Variants in SOX5 observed in about 807,000 individuals in gnomAD.
SOX5 encodes the protein transcription factor SOX-5.
Under a neutral mutation model 92.0 loss-of-function variants are expected in SOX5, and 9 were observed. The observed-to-expected ratio is 0.10, with a 90% CI of 0.06 to 0.17. The LOEUF (loss-of-function observed/expected upper bound fraction) is 0.17, where lower values mean the gene tolerates loss of function less well. Ranked by LOEUF, SOX5 falls within the 10% of genes least tolerant of loss-of-function variation. SOX5 has a pLI of 1.00. For synonymous variants in SOX5, 344 were observed against 336.3 expected (o/e 1.02, Z -0.25); for missense variants, 642 against 944.5 (o/e 0.68, Z 4.20).
At chr12:24,518,521 T>C (rs1374705038) in intron 1 of SOX5, among the ~76,000 whole-genome samples, 2 of 152,184 alleles carry the variant, frequency 1.3e-5, no homozygotes, top group Admixed American at 1.3e-4. Flanking sequence ...AGAGAATCAC[T>C]TATATCTCAG....
intron 3 of SOX5, among the ~76,000 whole-genome samples, chr12:23,774,389 T>C (rs1185757233): frequency 6.6e-6 from 1 of 152,204 alleles, no homozygotes; most frequent in Non-Finnish European, 1.5e-5. Flanking sequence ...AGCCAGAATA[T>C]TTATCTAATA....
Position 23,877,224 on chromosome 12 carries a change from CT to C in SOX5, c.270+18568del. Among the ~76,000 whole-genome samples, 3 of 151,838 alleles carry C rather than the reference CT, an allele frequency of 2.0e-5. No homozygotes were observed. The East Asian group carries it at 5.8e-4, about 29-fold the overall frequency. ...GTTAAAGGACTTATTTTTTTCTTTTCTTTTCCTTTTTTTTGGAGGAGAGTTT... is the reference window on the plus strand; with the variant it reads ...GTTAAAGGACTTATTTTTTTCTTTTCTTTCCTTTTTTTTGGAGGAGAGTTT... On this transcript the variant is annotated intron_variant, in intron 2 of 14. Coordinates refer to ENST00000451604, the MANE Select transcript of SOX5 (RefSeq NM_006940.6).
chr12:23,627,492 G>T (rs2077983166), intron 8 of SOX5, among the ~76,000 whole-genome samples: 1 of 152,042 alleles, frequency 6.6e-6, no homozygotes, highest in South Asian at 2.1e-4. Context: ...ATATGGATAG[G>T]CTCTTTGCCA....
chr12:24,385,154 A>G (rs1290810808), intron 1 of SOX5, among the ~76,000 whole-genome samples: 1 of 152,194 alleles, frequency 6.6e-6, no homozygotes, highest in African/African-American at 2.4e-5. Flanking sequence ...TTTATTAAAG[A>G]TATGTATATG....
intron 2 of SOX5, among the ~76,000 whole-genome samples, chr12:24,356,864 C>A (rs1415909731): frequency 1.3e-5 from 2 of 152,156 alleles, no homozygotes; most frequent in Non-Finnish European, 2.9e-5. Flanking sequence ...GAATACTAAA[C>A]CATCGGTTAC....
intron 7 of SOX5, among the ~76,000 whole-genome samples, chr12:23,651,209 T>C (rs2139037001): frequency 1.3e-5 from 2 of 152,136 alleles, no homozygotes; most frequent in African/African-American, 4.8e-5. Context: ...ATCTTACATA[T>C]ACATATACAC....
At chr12:24,324,295 A>G (rs1180692886) in intron 2 of SOX5, among the ~76,000 whole-genome samples, 2 of 152,072 alleles carry the variant, frequency 1.3e-5, no homozygotes, top group African/African-American at 4.8e-5. Flanking sequence ...CAAGGTTCAG[A>G]TTTCTGTATT....
At chr12:23,793,563 G>T (rs1454762041) in intron 3 of SOX5, among the ~76,000 whole-genome samples, 1 of 152,178 alleles carries the variant, frequency 6.6e-6, no homozygotes, top group African/African-American at 2.4e-5. Context: ...ATTCTAAAAA[G>T]TGCCTTTCTG....
At chr12:24,175,202 A>T (rs1231984555) in intron 4 of SOX5, among the ~76,000 whole-genome samples, 1 of 152,366 alleles carries the variant, frequency 6.6e-6, no homozygotes, top group East Asian at 1.9e-4. Flanking sequence ...CATGTTATTC[A>T]GTCCTCTAAC....
chr12:24,061,759 A>AC (rs71059970), intron 4 of SOX5, among the ~76,000 whole-genome samples: 71,514 of 147,594 alleles, frequency 0.48, 17,864 homozygotes, highest in East Asian at 0.81. Flanking sequence ...AAAAAAAAAA[A>AC]AAAACCTTTC....
chr12:24,325,711 T>A (rs918589406), intron 2 of SOX5, among the ~76,000 whole-genome samples: 7 of 152,320 alleles, frequency 4.6e-5, no homozygotes, highest in South Asian at 2.1e-4. Flanking sequence ...CATTCTCCAC[T>A]GTGTGGGTTG....
intron 5 of SOX5, among the ~76,000 whole-genome samples, chr12:23,736,311 A>G (rs2093591189): frequency 6.6e-6 from 1 of 151,918 alleles, no homozygotes; most frequent in Non-Finnish European, 1.5e-5. Flanking sequence ...AATACAAAAA[A>G]ATTAGCCAGG....
At chr12:24,002,972 A>C (rs1412830455) in intron 4 of SOX5, among the ~76,000 whole-genome samples, 2 of 152,142 alleles carry the variant, frequency 1.3e-5, no homozygotes, top group Non-Finnish European at 2.9e-5. Context: ...AAGAGTTATA[A>C]GTGGAATTTA....
At chr12:24,506,844 G>A (rs1339350577) in intron 1 of SOX5, among the ~76,000 whole-genome samples, 4 of 133,026 alleles carry the variant, frequency 3.0e-5, no homozygotes, top group Non-Finnish European at 6.1e-5. Context: ...AGGCTGGAGT[G>A]CAGTGGCGCG....
intron 11 of SOX5, among the ~76,000 whole-genome samples, chr12:23,557,107 CA>C (rs1945311669): frequency 6.6e-6 from 1 of 152,116 alleles, no homozygotes; most frequent in Non-Finnish European, 1.5e-5. Context: ...AAGGGTTGGA[CA>C]ATGGCAGGAA....
Position 23,531,048 on chromosome 12 carries a change from T to C in SOX5, c.*3171A>G, listed in dbSNP as rs955309912. 2.6e-5 allele frequency: 4 copies of C among 152,142 alleles called. No homozygotes were observed. The highest frequency in any genetic ancestry group is 9.7e-5 in the African/African-American group (4 of 41,436). The allele number at this position is 152,142 out of a possible 1,614,324, so 9.4% of individuals were successfully genotyped here. A position where few individuals can be genotyped will look rare whatever the true frequency, so the allele number is the denominator to read the frequency against. ...AAATCAACCAATGCCAAAAAGGCAA[T>C]GTAGTAACACAGTAAGTTGCTATTC... is the stretch of plus-strand genomic sequence containing the variant. On this transcript the variant is annotated 3_prime_UTR_variant, in exon 15 of 15. Transcript: ENST00000451604.
chr12:23,614,077 A>G (rs1035164527), intron 8 of SOX5, among the ~76,000 whole-genome samples: 11 of 152,106 alleles, frequency 7.2e-5, no homozygotes, highest in African/African-American at 2.4e-4. Context: ...TGTCCTAAAT[A>G]GGCTCATCAT....
In SOX5 at chr12:23,578,117, C is replaced by CAAA. The variant is rs1163938652; in HGVS notation, c.1165-2282_1165-2280dup. Among the ~76,000 whole-genome samples the CAAA allele has an allele frequency of 2.3e-3, 82 of 34,894 alleles. 15 individuals carry two copies. The highest frequency in any genetic ancestry group is 3.6e-3 in the African/African-American group (28 of 7,680). 22.9% of individuals were successfully genotyped at this position (34,894 alleles called of 152,430 possible). On this transcript the variant is annotated intron_variant, in intron 9 of 14. Coordinates refer to ENST00000451604, the MANE Select transcript of SOX5 (RefSeq NM_006940.6). Reference sequence around the variant, plus strand: ...CCTGCGCAACAGAGTGAGACTGTGTCAAAAAAAAAAAAAAAAAAAAAAAAA... The same window carrying CAAA: ...CCTGCGCAACAGAGTGAGACTGTGTCAAAAAAAAAAAAAAAAAAAAAAAAAAAA...
rs139232087 is a variant in SOX5 at position 23,710,675 on chromosome 12, A to G, written c.810+24009T>C. Among the ~76,000 whole-genome samples the G allele has an allele frequency of 1.6e-3, 237 of 152,306 alleles. 9 individuals are homozygous for G. In the East Asian group the frequency reaches 0.043, roughly 28 times the overall value. On this transcript the variant is annotated intron_variant, in intron 6 of 14. Transcript: ENST00000451604. ...TTTGGGTTGGTTCCAAGTCTTTGCTATTGTGAATAGTGCCACAATAAACAA... is the reference window on the plus strand; with the variant it reads ...TTTGGGTTGGTTCCAAGTCTTTGCTGTTGTGAATAGTGCCACAATAAACAA...
Sources: allele counts gnomAD v4.1 joint callset (sites outside exome capture counted in the v4.1 genomes callset), GRCh38; gene constraint gnomAD v4.1.1; transcripts MANE v1.5; gene names NCBI Gene and HGNC (gene_info 2026-07-23, HGNC 2026-07-21).